Variants in CTCF observed in about 807,000 individuals in gnomAD.
CTCF encodes the protein transcriptional repressor CTCF.
Under a neutral mutation model 72.3 loss-of-function variants are expected in CTCF, and 7 were observed. The ratio of observed to expected loss-of-function variants is 0.10; its 90% CI spans 0.06 to 0.18. The LOEUF (loss-of-function observed/expected upper bound fraction) is 0.18. Ranked by LOEUF, CTCF falls within the 10% of genes least tolerant of loss-of-function variation. CTCF has a pLI of 1.00. For synonymous variants in CTCF, 374 were observed against 315.8 expected (o/e 1.18, Z -1.95); for missense variants, 516 against 949.1 (o/e 0.54, Z 6.00).
chr16:67,622,652 T>C (rs2052217116), intron 7 of CTCF, among the ~76,000 whole-genome samples: 1 of 149,962 alleles, frequency 6.7e-6, no homozygotes, highest in African/African-American at 2.5e-5. Flanking sequence ...TTTTTTTTTT[T>C]TTTTTTTTGA....
chr16:67,565,897 G>A (rs561694969), intron 1 of CTCF, among the ~76,000 whole-genome samples: 14 of 152,306 alleles, frequency 9.2e-5, no homozygotes, highest in Admixed American at 9.2e-4. Context: ...CTGACTTAAG[G>A]CCCTGGGGAG....
At chr16:67,631,085 G>A (rs1278655532) in intron 10 of CTCF, among the ~76,000 whole-genome samples, 1 of 151,840 alleles carries the variant, frequency 6.6e-6, no homozygotes, top group Admixed American at 6.6e-5. Context: ...GGGAGGGGTT[G>A]AGATTTTTGA....
chr16:67,599,332 T>C (rs973046134), intron 2 of CTCF, among the ~76,000 whole-genome samples: 2 of 152,104 alleles, frequency 1.3e-5, no homozygotes, highest in Non-Finnish European at 2.9e-5. Flanking sequence ...GAGGCAGAGG[T>C]TGCAGTGAGC....
chr16:67,636,889 C>T, intron 11 of CTCF, 38 bp downstream of exon 11: 2 of 1,439,224 alleles, frequency 1.4e-6, no homozygotes, highest in South Asian at 1.6e-5. Flanking sequence ...CTGGCGTCTT[C>T]TCCGAGCATG....
chr16:67,621,665 A>C (rs1042365443), intron 7 of CTCF, 74 bp downstream of exon 7: 82 of 1,142,334 alleles, frequency 7.2e-5, no homozygotes, highest in Non-Finnish European at 1.0e-4. Context: ...GGGATCAAAA[A>C]TAACTTCACC....
intron 2 of CTCF, among the ~76,000 whole-genome samples, chr16:67,604,963 GA>G (rs1567605791): frequency 6.8e-5 from 8 of 118,202 alleles, no homozygotes; most frequent in African/African-American, 2.8e-4. Flanking sequence ...GTATAAATGG[GA>G]TTTTTTTTTT....
At position 67,637,995 on chromosome 16, in the gene CTCF, A is replaced by C; in HGVS notation, c.*123A>C. ...AAGCATCATTTTACCAAACATACCG[A>C]GAACGAAAACTTCAAGGATGATGTT... On this transcript the variant is annotated 3_prime_UTR_variant, in exon 12 of 12. Coordinates refer to ENST00000264010, the MANE Select transcript of CTCF (RefSeq NM_006565.4). The C allele has an allele frequency of 1.1e-6, 1 of 883,624 alleles. No homozygotes were observed. 54.7% of individuals were successfully genotyped at this position (883,624 alleles called of 1,614,324 possible). A position where few individuals can be genotyped will look rare whatever the true frequency, so the allele number is the denominator to read the frequency against.
intron 9 of CTCF, among the ~76,000 whole-genome samples, chr16:67,628,859 G>A (rs2052325261): frequency 6.6e-6 from 1 of 152,142 alleles, no homozygotes; most frequent in African/African-American, 2.4e-5. Flanking sequence ...AGGAGATCGA[G>A]ACCATCCTGG....
chr16:67,573,043 G>C (rs1328352008), intron 2 of CTCF, among the ~76,000 whole-genome samples: 1 of 150,388 alleles, frequency 6.6e-6, no homozygotes, highest in African/African-American at 2.5e-5. Context: ...ACAAGGTCAG[G>C]AGTTCGGGAC....
At chr16:67,570,948 G>A (rs2051410811) in intron 1 of CTCF, 200 bp from the exon 2 acceptor site, 1 of 152,010 alleles carries the variant, frequency 6.6e-6, no homozygotes, top group Non-Finnish European at 1.5e-5. Flanking sequence ...TAGCAAATGT[G>A]TGAAAAAATA....
intron 10 of CTCF, among the ~76,000 whole-genome samples, chr16:67,633,761 G>T (rs1347710973): frequency 6.7e-6 from 1 of 149,432 alleles, no homozygotes; most frequent in South Asian, 2.1e-4. Flanking sequence ...AAAAGAAAAA[G>T]AATTTCCGTC....
At chr16:67,577,604 AT>A (rs1229327206) in intron 2 of CTCF, among the ~76,000 whole-genome samples, 81 of 143,534 alleles carry the variant, frequency 5.6e-4, no homozygotes, top group Middle Eastern at 7.2e-3. Flanking sequence ...CGCCTGCCTA[AT>A]TTTTTTTTTT....
intron 1 of CTCF, among the ~76,000 whole-genome samples, chr16:67,566,065 G>T (rs372627542): frequency 6.6e-6 from 1 of 152,180 alleles, no homozygotes; most frequent in African/African-American, 2.4e-5. Flanking sequence ...CCATCTGTCT[G>T]CCTAATTTAC....
intron 1 of CTCF, among the ~76,000 whole-genome samples, chr16:67,566,491 C>T (rs900159284): frequency 9.7e-6 from 1 of 102,850 alleles, no homozygotes; most frequent in African/African-American, 3.8e-5. Flanking sequence ...GCCTGGGTGA[C>T]AGAGTGAGAC....
intron 2 of CTCF, among the ~76,000 whole-genome samples, chr16:67,599,073 A>G (rs1310644226): frequency 6.6e-6 from 1 of 152,202 alleles, no homozygotes; most frequent in African/African-American, 2.4e-5. Flanking sequence ...ACATAGAGCT[A>G]GCTAAGAAGT....
At position 67,629,646 on chromosome 16, in the gene CTCF, C is replaced by G. The variant is rs986616538; in HGVS notation, c.1837+113C>G. The G allele has an allele frequency of 1.1e-5, 10 of 903,854 alleles. No homozygotes were observed. The Admixed American group carries it at 3.0e-4, about 27-fold the overall frequency. 56.0% of individuals were successfully genotyped at this position (903,854 alleles called of 1,614,324 possible). On this transcript the variant is annotated intron_variant, in intron 10 of 11. Coordinates refer to ENST00000264010, the MANE Select transcript of CTCF (RefSeq NM_006565.4). ...AGAGGCGGGCACACACTCTTCCTTT[C>G]TTTAAACTTCTCATCTCCTAACGTC...
intron 2 of CTCF, among the ~76,000 whole-genome samples, chr16:67,572,011 A>G (rs1222224824): frequency 6.6e-6 from 1 of 152,186 alleles, no homozygotes; most frequent in Non-Finnish European, 1.5e-5. Context: ...CCCTAGAAAA[A>G]TGTGAAAATA....
chr16:67,621,807 T>C (rs1037436808), intron 7 of CTCF, among the ~76,000 whole-genome samples: 2 of 150,954 alleles, frequency 1.3e-5, no homozygotes, highest in African/African-American at 4.9e-5. Flanking sequence ...GCCACAAGAT[T>C]CTGTCCTGAG....
At chr16:67,609,631 T>G (rs2052030722) in intron 2 of CTCF, among the ~76,000 whole-genome samples, 1 of 151,346 alleles carries the variant, frequency 6.6e-6, no homozygotes, top group African/African-American at 2.4e-5. Context: ...ATTCTTTTTT[T>G]TTTTTTTTTT....
Sources: gnomAD v4.1 joint callset for allele counts (sites outside exome capture counted in the v4.1 genomes callset) on GRCh38, gnomAD v4.1.1 for gene constraint, MANE v1.5 for transcripts, NCBI Gene and HGNC (gene_info 2026-07-23, HGNC 2026-07-21) for gene names.